Variants in KCNAB1 observed in about 807,000 individuals in gnomAD.
KCNAB1 encodes the protein voltage-gated potassium channel subunit beta-1.
In KCNAB1, 35 loss-of-function variants were observed where a neutral mutation model predicts 64.6. That is an observed-to-expected ratio of 0.54 (90% CI 0.41 to 0.72). The LOEUF (loss-of-function observed/expected upper bound fraction) is 0.72. Among genes scored for constraint, KCNAB1 ranks in the 30% least tolerant of loss-of-function variants. KCNAB1 has a pLI of 0.00. For synonymous variants in KCNAB1, 177 were observed against 183.8 expected (o/e 0.96, Z 0.30); for missense variants, 401 against 512.9 (o/e 0.78, Z 2.11).
intron 1 of KCNAB1, among the ~76,000 whole-genome samples, chr3:156,139,204 T>A (rs1714548756): frequency 6.6e-6 from 1 of 152,238 alleles, no homozygotes; most frequent in South Asian, 2.1e-4. Flanking sequence ...GTTTCTATCC[T>A]CCACCTTTAA....
intron 1 of KCNAB1, among the ~76,000 whole-genome samples, chr3:156,136,557 A>T (rs1478804082): frequency 6.6e-6 from 1 of 152,234 alleles, no homozygotes; most frequent in Non-Finnish European, 1.5e-5. Flanking sequence ...TACTATCATG[A>T]TCTCAAACCT....
chr3:156,536,419 G>T, intron 13 of KCNAB1: 1 of 440,604 alleles, frequency 2.3e-6, no homozygotes, highest in Admixed American at 3.9e-5. Flanking sequence ...GGATAGAGCT[G>T]CTCTGTATTT....
chr3:156,407,939 G>A (rs552547212), intron 1 of KCNAB1, among the ~76,000 whole-genome samples: 4 of 152,240 alleles, frequency 2.6e-5, no homozygotes, highest in East Asian at 3.9e-4. Flanking sequence ...TTCTTACCCC[G>A]TTGTTTCTGG....
intron 1 of KCNAB1, chr3:156,291,566 G>A (rs1465637941): frequency 1.7e-6 from 2 of 1,198,616 alleles, no homozygotes; most frequent in Non-Finnish European, 2.1e-6. Flanking sequence ...CTAGGCTTCT[G>A]TAAAAACCTC....
chr3:156,269,274 A>G (rs1299480789), intron 1 of KCNAB1, among the ~76,000 whole-genome samples: 1 of 152,148 alleles, frequency 6.6e-6, no homozygotes, highest in African/African-American at 2.4e-5. Context: ...ATATTGTTTA[A>G]TTTCCATGTG....
chr3:156,507,261 T>C (rs563597882), intron 8 of KCNAB1, among the ~76,000 whole-genome samples: 1 of 152,320 alleles, frequency 6.6e-6, no homozygotes, highest in Non-Finnish European at 1.5e-5. Flanking sequence ...AAGTATATGC[T>C]TAATTAATAT....
chr3:156,500,966 T>C (rs534053042), intron 8 of KCNAB1, among the ~76,000 whole-genome samples: 3 of 152,206 alleles, frequency 2.0e-5, no homozygotes, highest in Non-Finnish European at 2.9e-5. Flanking sequence ...ACTGCAGCAG[T>C]TGAGTCTCAT....
chr3:156,168,381 A>G (rs1230002781), intron 1 of KCNAB1, among the ~76,000 whole-genome samples: 5 of 152,192 alleles, frequency 3.3e-5, no homozygotes, highest in Admixed American at 2.0e-4. Context: ...AGAGACAACA[A>G]TAAGAATACG....
intron 1 of KCNAB1, among the ~76,000 whole-genome samples, chr3:156,287,665 A>G (rs1441967588): frequency 6.6e-6 from 1 of 152,030 alleles, no homozygotes; most frequent in African/African-American, 2.4e-5. Context: ...TATCTCTACT[A>G]AAAATACAAG....
At chr3:156,222,173 T>G (rs1715812660) in intron 1 of KCNAB1, among the ~76,000 whole-genome samples, 1 of 152,134 alleles carries the variant, frequency 6.6e-6, no homozygotes. Context: ...TCTGCTACCT[T>G]CAGTAGACTC....
At chr3:156,212,402 G>C (rs1018631918) in intron 1 of KCNAB1, among the ~76,000 whole-genome samples, 1 of 152,178 alleles carries the variant, frequency 6.6e-6, no homozygotes, top group Non-Finnish European at 1.5e-5. Context: ...ATAAAAAAAT[G>C]CTGTTTTTCC....
intron 1 of KCNAB1, among the ~76,000 whole-genome samples, chr3:156,318,539 C>A (rs1051706282): frequency 2.0e-5 from 3 of 152,140 alleles, no homozygotes; most frequent in African/African-American, 7.2e-5. Flanking sequence ...AATGTCAACT[C>A]CATGAGGGCA....
intron 1 of KCNAB1, among the ~76,000 whole-genome samples, chr3:156,279,855 T>C (rs1488075475): frequency 6.6e-6 from 1 of 150,680 alleles, no homozygotes; most frequent in African/African-American, 2.4e-5. Context: ...TCATTGTAGA[T>C]TCTGGATATT....
chr3:156,257,065 T>G (rs980007697), intron 1 of KCNAB1, among the ~76,000 whole-genome samples: 1 of 152,230 alleles, frequency 6.6e-6, no homozygotes, highest in Non-Finnish European at 1.5e-5. Flanking sequence ...AGGGATACTT[T>G]TACTTCCCTT....
chr3:156,398,780 G>T (rs1713675767), intron 1 of KCNAB1, among the ~76,000 whole-genome samples: 1 of 148,210 alleles, frequency 6.7e-6, no homozygotes. Flanking sequence ...TTTAAAAGAA[G>T]GGATTAGAGA....
At chr3:156,149,748 C>T (rs1715283633) in intron 1 of KCNAB1, among the ~76,000 whole-genome samples, 1 of 152,158 alleles carries the variant, frequency 6.6e-6, no homozygotes, top group African/African-American at 2.4e-5. Flanking sequence ...GCCCTTTCTC[C>T]TTTTCATAGT....
At chr3:156,534,459 C>T (rs905695354) in intron 13 of KCNAB1, among the ~76,000 whole-genome samples, 1 of 152,168 alleles carries the variant, frequency 6.6e-6, no homozygotes, top group African/African-American at 2.4e-5. Context: ...CTCCTCCCCA[C>T]ATGCCTTAAA....
chr3:156,400,421 A>G (rs928922867), intron 1 of KCNAB1, among the ~76,000 whole-genome samples: 2 of 151,936 alleles, frequency 1.3e-5, no homozygotes, highest in African/African-American at 4.8e-5. Flanking sequence ...CTCCTAATTG[A>G]TCTCCCTTCT....
Position 156,120,822 on chromosome 3 carries a change from T to A in KCNAB1, c.211T>A (p.Tyr71Asn), listed in dbSNP as rs943144521. The A allele has an allele frequency of 1.2e-6, 2 of 1,614,110 alleles. No individual in the cohort carries two copies. Among genetic ancestry groups the A allele is most frequent in the Non-Finnish European group, 1.7e-6 (2 of 1,180,056 alleles). The change falls in exon 1 of 14, where the codon TAC (tyrosine) becomes AAC (asparagine). Residue 71 changes from tyrosine to asparagine, a missense_variant. By Grantham distance (143) the Tyr-to-Asn change is moderately radical (BLOSUM62 -2). Transcript: ENST00000490337. ...ALLREVEMNW[Y>N]LKLCDLSSEH... is the part of the protein sequence containing the mutation. Reference sequence around the variant, plus strand: ...GCTGCGCGAAGTGGAGATGAACTGGTACCTAAAGCTCTGCGACCTGTCCAG... The same window carrying A: ...GCTGCGCGAAGTGGAGATGAACTGGAACCTAAAGCTCTGCGACCTGTCCAG...
Sources: gnomAD v4.1 joint callset for allele counts (sites outside exome capture counted in the v4.1 genomes callset) on GRCh38, gnomAD v4.1.1 for gene constraint, MANE v1.5 for transcripts, NCBI Gene and HGNC (gene_info 2026-07-23, HGNC 2026-07-21) for gene names.